SMOX: variants seen among roughly 807,000 people sequenced by gnomAD.
SMOX encodes spermine oxidase.
In SMOX, 22 loss-of-function variants were observed where a neutral mutation model predicts 51.0. The ratio of observed to expected loss-of-function variants is 0.43; its 90% CI spans 0.31 to 0.62. The LOEUF (loss-of-function observed/expected upper bound fraction) is 0.62, where lower values mean the gene tolerates loss of function less well. Among genes scored for constraint, SMOX ranks in the 20% least tolerant of loss-of-function variants. The pLI is 0.10. For synonymous variants in SMOX, 282 were observed against 307.8 expected, an observed-to-expected ratio of 0.92 and a Z score of 0.88; for missense variants, 566 against 777.7, an observed-to-expected ratio of 0.73 and a Z score of 3.24.
At chr20:4,159,190 C>T (rs1289061379) in intron 1 of SMOX, among the ~76,000 whole-genome samples, 1 of 152,114 alleles carries the variant, frequency 6.6e-6, no homozygotes, top group Non-Finnish European at 1.5e-5. Context: ...TGGCTCACTG[C>T]AACCTCTGCC....
rs1978980025 is a variant in SMOX at position 4,177,652 on chromosome 20, T to C, written c.435+75T>C. On this transcript the variant is annotated intron_variant, in intron 3 of 6. Coordinates refer to ENST00000305958, the MANE Select transcript of SMOX (RefSeq NM_175839.3). This position sits in a 1 kb window ranked among gnomAD's most constrained non-coding sequence, Gnocchi z 4.3. ...AGGTCTGTGATTCTGGTCGTGTCTC[T>C]GCACACTCCCTGGGCCTTGCATTTG... is the stretch of plus-strand genomic sequence containing the variant. 3.7e-6 allele frequency: 5 copies of C among 1,364,376 alleles called. No homozygotes were observed. In the African/African-American group the frequency reaches 7.2e-5, roughly 20 times the overall value. 84.5% of individuals were successfully genotyped at this position (1,364,376 alleles called of 1,614,324 possible).
At chr20:4,158,151 T>C (rs13043152) in intron 1 of SMOX, among the ~76,000 whole-genome samples, 94,754 of 150,184 alleles carry the variant, frequency 0.63, 30,140 homozygotes, top group Admixed American at 0.69. Context: ...CCGCCCGCCT[T>C]GGCCTCCCAA....
intron 1 of SMOX, among the ~76,000 whole-genome samples, chr20:4,154,381 TC>T (rs553769702): frequency 4.0e-5 from 5 of 126,526 alleles, no homozygotes; most frequent in South Asian, 5.7e-4. Context: ...TTTCTTTCTT[TC>T]TTTCTTTTTT....
chr20:4,182,225 G>C lies in SMOX; in HGVS notation c.746G>C (p.Gly249Ala), dbSNP rs1343445337. The C allele has an allele frequency of 6.2e-7, 1 of 1,613,578 alleles. No homozygotes were observed. Among genetic ancestry groups the C allele is most frequent in the Admixed American group, 1.7e-5 (1 of 60,020 alleles). ...CGGGTTGTGGAGCTGCTGGCGGAGGGCATCCCTGCCCACGTCATCCAGCTA... is the reference window on the plus strand; with the variant it reads ...CGGGTTGTGGAGCTGCTGGCGGAGGCCATCCCTGCCCACGTCATCCAGCTA... ...FMRVVELLAE[G>A]IPAHVIQLGK... Residue 249 changes from glycine (G) to alanine (A), a missense_variant, in exon 5 of 7, where the codon GGC (glycine) becomes GCC (alanine). Physicochemically the swap from Gly to Ala is moderately conservative, Grantham distance 60. This residue lies in a region of SMOX where 347 missense variants were observed against 481.8 expected (regional missense o/e 0.72). Transcript: ENST00000305958. This position sits in a 1 kb window ranked among gnomAD's most constrained non-coding sequence, Gnocchi z 8.4.
rs1294950898 is a variant in SMOX at position 4,153,665 on chromosome 20, G to T, written c.-27+4688G>T. Reference sequence around the variant, plus strand: ...AGATCCTGCCAGCCTCCTAGGAAGAGAGGGAGGCAGGGTTAGTGGAAACTG... The same window carrying T: ...AGATCCTGCCAGCCTCCTAGGAAGATAGGGAGGCAGGGTTAGTGGAAACTG... On this transcript the variant is annotated intron_variant, in intron 1 of 6. Coordinates refer to ENST00000305958, the MANE Select transcript of SMOX (RefSeq NM_175839.3). This position sits in a 1 kb window ranked among gnomAD's most constrained non-coding sequence, Gnocchi z 4.4. Among the ~76,000 whole-genome samples the T allele has an allele frequency of 6.6e-6, 1 of 152,196 alleles. No homozygotes were observed. The highest frequency in any genetic ancestry group is 1.5e-5 in the Non-Finnish European group (1 of 68,024).
Position 4,166,756 on chromosome 20 carries a change from C to G in SMOX, c.-26-8274C>G, listed in dbSNP as rs1236767754. Among the ~76,000 whole-genome samples the G allele has an allele frequency of 6.6e-6, 1 of 152,352 alleles. No homozygotes were observed. The highest frequency in any genetic ancestry group is 1.5e-5 in the Non-Finnish European group (1 of 68,036). On this transcript the variant is annotated intron_variant, in intron 1 of 6. Transcript: ENST00000305958. This position sits in a 1 kb window ranked among gnomAD's most constrained non-coding sequence, Gnocchi z 4.2. ...TCTTGCCTCCCAGTGCCTGTGGGGG[C>G]CGTGTCTTTGGCTCTGTCCCTCCAT...
At chr20:4,174,989 AAGGCAG>A in intron 1 of SMOX, 35 bp from the exon 2 acceptor site, 1 of 1,588,466 alleles carries the variant, frequency 6.3e-7, no homozygotes, top group South Asian at 1.1e-5. Flanking sequence ...GTGGGAAGTG[AAGGCAG>A]AGCCACTAAG....
intron 3 of SMOX, among the ~76,000 whole-genome samples, chr20:4,180,688 G>A (rs1979255040): frequency 6.6e-6 from 1 of 152,088 alleles, no homozygotes; most frequent in Non-Finnish European, 1.5e-5. Flanking sequence ...GCCCCCTCCA[G>A]CAAAACCAAA....
chr20:4,179,206 C>A (rs891278911), intron 3 of SMOX, among the ~76,000 whole-genome samples: 11 of 152,188 alleles, frequency 7.2e-5, no homozygotes, highest in African/African-American at 2.7e-4. Context: ...TGCTGGAAAT[C>A]AGCCCCAGCC....
intron 2 of SMOX, among the ~76,000 whole-genome samples, chr20:4,176,774 G>A (rs964072149): frequency 1.3e-5 from 2 of 152,160 alleles, no homozygotes; most frequent in Non-Finnish European, 2.9e-5. Context: ...CCGGCTCTCA[G>A]GGTTTTTTGT....
rs755980359 is a variant in SMOX at position 4,175,074 on chromosome 20, A to T, written c.19A>T (p.Ser7Cys). The change falls in exon 2 of 7, where the codon AGT becomes TGT. Residue 7 changes from serine (S) to cysteine (C), a missense_variant. Coordinates refer to ENST00000305958, the MANE Select transcript of SMOX (RefSeq NM_175839.3). Reference sequence around the variant, plus strand: ...GGACGGTATGCAAAGTTGTGAATCCAGTGGTGACAGTGCGGATGACCCTCT... The same window carrying T: ...GGACGGTATGCAAAGTTGTGAATCCTGTGGTGACAGTGCGGATGACCCTCT... MQSCES[S>C]GDSADDPLSR... The T allele has an allele frequency of 6.2e-7, 1 of 1,614,220 alleles. No homozygotes were observed.
At chr20:4,154,852 G>T (rs530728201) in intron 1 of SMOX, among the ~76,000 whole-genome samples, 51 of 151,934 alleles carry the variant, frequency 3.4e-4, no homozygotes, top group African/African-American at 1.2e-3. Context: ...GCCGGGGTAG[G>T]GGGTGGGGGT....
rs111734986 is a variant in SMOX, at chr20:4,177,202, C to T, written c.209-149C>T. ...TCAGTGGGAACTTTTCACTGAGGAC[C>T]TTCGTTGGTTGCCAGCAGTGGAAGT... On this transcript the variant is annotated intron_variant, in intron 2 of 6. Transcript: ENST00000305958. This position sits in a 1 kb window ranked among gnomAD's most constrained non-coding sequence, Gnocchi z 4.3. 1.5e-6 allele frequency: 1 copy of T among 688,638 alleles called. No individual in the cohort carries two copies. Among genetic ancestry groups the T allele is most frequent in the South Asian group, 2.0e-5 (1 of 51,206 alleles). 42.7% of individuals were successfully genotyped at this position (688,638 alleles called of 1,614,324 possible). A position where few individuals can be genotyped will look rare whatever the true frequency, so the allele number is the denominator to read the frequency against.
rs1265826828 is a variant in SMOX, at chr20:4,170,290, C to T, written c.-26-4740C>T. 6.6e-6 allele frequency among the ~76,000 whole-genome samples: 1 copy of T among 152,034 alleles called. No homozygotes were observed. Among genetic ancestry groups the T allele is most frequent in the Non-Finnish European group, 1.5e-5 (1 of 67,998 alleles). ...ACTCCAGATTTGAGCCTAGGGACTG[C>T]TTGGTGGTCCTGTAATTTGCCCTCA... On this transcript the variant is annotated intron_variant, in intron 1 of 6. Coordinates refer to ENST00000305958, the MANE Select transcript of SMOX (RefSeq NM_175839.3). This position sits in a 1 kb window ranked among gnomAD's most constrained non-coding sequence, Gnocchi z 4.6.
chr20:4,183,753 G>A lies in SMOX; in HGVS notation c.1530+99G>A, dbSNP rs1207336642. On this transcript the variant is annotated intron_variant, in intron 6 of 6. Transcript: ENST00000305958. This position sits in a 1 kb window ranked among gnomAD's most constrained non-coding sequence, Gnocchi z 4.3. ...GGGCTAGGGTAGTGTTCACTAAGGG[G>A]TGCTCAGGTGAGGCAGGGATGGAGT... 1 of 1,374,152 alleles carries A rather than the reference G, an allele frequency of 7.3e-7. No individual in the cohort carries two copies. Among genetic ancestry groups the A allele is most frequent in the Non-Finnish European group, 9.5e-7 (1 of 1,049,734 alleles). 85.1% of individuals were successfully genotyped at this position (1,374,152 alleles called of 1,614,324 possible). A position where few individuals can be genotyped will look rare whatever the true frequency, so the allele number is the denominator to read the frequency against.
chr20:4,150,824 C>CTTTTTTTTTTT (rs753050845), intron 1 of SMOX, among the ~76,000 whole-genome samples: 1 of 107,680 alleles, frequency 9.3e-6, no homozygotes, highest in African/African-American at 3.8e-5. Flanking sequence ...CATCTACTCA[C>CTTTTTTTTTTT]TTTTTTTTTT....
In SMOX at chr20:4,183,712, C is replaced by A; in HGVS notation, c.1530+58C>A. On this transcript the variant is annotated intron_variant, in intron 6 of 6. Transcript: ENST00000305958. The surrounding 1 kb of genome is among the most constrained non-coding windows in gnomAD (Gnocchi z 4.3). ...TGTGGGTGTATTTTGTATGTGTGTC[C>A]GGTCCAGGGTGAGGAGGGCTAGGGT... 1 of 1,513,786 alleles carries A rather than the reference C, an allele frequency of 6.6e-7. No homozygotes were observed. Among genetic ancestry groups the A allele is most frequent in the East Asian group, 2.3e-5 (1 of 43,924 alleles). The allele number at this position is 1,513,786 out of a possible 1,614,324, so 93.8% of individuals were successfully genotyped here. A position where few individuals can be genotyped will look rare whatever the true frequency, so the allele number is the denominator to read the frequency against.
Position 4,187,471 on chromosome 20 carries a change from T to G in SMOX, c.*64T>G. On this transcript the variant is annotated 3_prime_UTR_variant, in exon 7 of 7. Coordinates refer to ENST00000305958, the MANE Select transcript of SMOX (RefSeq NM_175839.3). This position sits in a 1 kb window ranked among gnomAD's most constrained non-coding sequence, Gnocchi z 4.8. ...ACCTCCAGCCTGCCCCTTGCTGCCGTGTGCTCCTGCCTTCCTGATCCTCTG... is the reference window on the plus strand; with the variant it reads ...ACCTCCAGCCTGCCCCTTGCTGCCGGGTGCTCCTGCCTTCCTGATCCTCTG... 3 of 1,582,502 alleles carry G rather than the reference T, an allele frequency of 1.9e-6. No individual in the cohort carries two copies. Among genetic ancestry groups the G allele is most frequent in the Non-Finnish European group, 2.6e-6 (3 of 1,162,116 alleles).
chr20:4,168,013 T>C (rs1234650249), intron 1 of SMOX, among the ~76,000 whole-genome samples: 1 of 150,046 alleles, frequency 6.7e-6, no homozygotes, highest in Non-Finnish European at 1.5e-5. Context: ...AGAATCCAAA[T>C]CCCTCCCCAG....
Sources: gnomAD v4.1 joint callset for allele counts (sites outside exome capture counted in the v4.1 genomes callset) on GRCh38, gnomAD v4.1.1 for gene constraint, gnomAD v4.1.1 regional missense constraint, Gnocchi (gnomAD v3.1) non-coding constraint, MANE v1.5 for transcripts, NCBI Gene and HGNC (gene_info 2026-07-23, HGNC 2026-07-21) for gene names.